TIMM44: variants seen among roughly 807,000 people sequenced by gnomAD.
The protein encoded by TIMM44 is mitochondrial import inner membrane translocase subunit TIM44.
TIMM44 carries 37 observed loss-of-function variants against 63.8 expected under a neutral mutation model. The observed-to-expected ratio is 0.58, with a 90% confidence interval of 0.45 to 0.76. TIMM44 has a LOEUF of 0.76. TIMM44 is among the 30% of genes least tolerant of loss of function. The pLI is 0.00. For synonymous variants in TIMM44, 239 were observed against 245.1 expected (o/e 0.98, Z 0.23); for missense variants, 573 against 603.8 (o/e 0.95, Z 0.54).
chr19:7,933,223 T>C lies in TIMM44; in HGVS notation c.769+262A>G, dbSNP rs1480882350. Among the ~76,000 whole-genome samples the C allele has an allele frequency of 6.6e-6, 1 of 152,232 alleles. No individual in the cohort carries two copies. Among genetic ancestry groups the C allele is most frequent in the African/African-American group, 2.4e-5 (1 of 41,462 alleles). ...TCACTACAAAGGAAACACAGGCCTCTAGCAGTCCTCACAGGACAAGGGACA... is the reference window on the plus strand; with the variant it reads ...TCACTACAAAGGAAACACAGGCCTCCAGCAGTCCTCACAGGACAAGGGACA... On this transcript the variant is annotated intron_variant, in intron 7 of 12. Coordinates refer to ENST00000270538, the MANE Select transcript of TIMM44 (RefSeq NM_006351.4). This position sits in a 1 kb window ranked among gnomAD's most constrained non-coding sequence, Gnocchi z 4.3.
intron 9 of TIMM44, 160 bp downstream of exon 9, chr19:7,932,467 G>A (rs1984013444): frequency 2.0e-6 from 2 of 994,496 alleles, no homozygotes. Flanking sequence ...AGCTCATGGG[G>A]CAGCTGCAGC....
chr19:7,931,464 G>A (rs1480637978), intron 9 of TIMM44: 2 of 479,392 alleles, frequency 4.2e-6, no homozygotes, highest in Non-Finnish European at 7.6e-6. Flanking sequence ...CCTGGAACCT[G>A]GTGGAGGAAG....
In TIMM44 at chr19:7,927,713, C is replaced by T; in HGVS notation, c.1183G>A (p.Ala395Thr). ...QGPVLIITFQ[A>T]QLVMVVRNPK... is the part of the protein sequence containing the mutation. ...TTCCTGACCACCATCACCAGCTGTG[C>T]CTGGAAGGTGATGATCAGCACCGGC... Residue 395 changes from alanine to threonine, a missense_variant, in exon 12 of 13, where the codon GCA becomes ACA. By Grantham distance (58) the Ala-to-Thr change is moderately conservative. Transcript: ENST00000270538. The T allele has an allele frequency of 6.2e-7, 1 of 1,613,348 alleles. No homozygotes were observed. The highest frequency in any genetic ancestry group is 1.1e-5 in the South Asian group (1 of 91,088).
intron 2 of TIMM44, 84 bp downstream of exon 2, chr19:7,941,018 G>T: frequency 2.7e-6 from 3 of 1,122,774 alleles, no homozygotes; most frequent in African/African-American, 1.5e-5. Flanking sequence ...CACCTCTACA[G>T]CCCCACCCCT....
chr19:7,927,473 A>G (rs891250056), intron 12 of TIMM44, 167 bp from the exon 13 acceptor site: 9 of 1,050,742 alleles, frequency 8.6e-6, no homozygotes, highest in Non-Finnish European at 1.3e-5. Context: ...GCCTTGGTAA[A>G]AACAGACAGG....
Position 7,933,098 on chromosome 19 carries a change from C to T in TIMM44, c.770-166G>A, listed in dbSNP as rs985171279. 2.6e-5 allele frequency among the ~76,000 whole-genome samples: 4 copies of T among 152,150 alleles called. No individual in the cohort carries two copies. The highest frequency in any genetic ancestry group is 5.9e-5 in the Non-Finnish European group (4 of 68,010). ...TGCATCCTCATCTGTGCTTGGGGAC[C>T]GCTGCCTGCCCACCTACCTGGCCAG... On this transcript the variant is annotated intron_variant, in intron 7 of 12. Transcript: ENST00000270538. The surrounding 1 kb of genome is among the most constrained non-coding windows in gnomAD (Gnocchi z 4.3).
rs139369527 is a variant in TIMM44 at position 7,932,581 on chromosome 19, G to A, written c.987+46C>T. 1.1e-3 allele frequency: 1,789 copies of A among 1,605,132 alleles called. 33 individuals are homozygous for A. The African/African-American group carries it at 0.021, about 19-fold the overall frequency. On this transcript the variant is annotated intron_variant, in intron 9 of 12. Transcript: ENST00000270538. ...CGGCTGCGGCGGGGGAGGTGGTGGA[G>A]CCAGGACCTGCCGCCTGGGAGGGGT... is the stretch of plus-strand genomic sequence containing the variant.
At chr19:7,935,365 A>T in intron 3 of TIMM44, 1 of 526,024 alleles carries the variant, frequency 1.9e-6, no homozygotes, top group East Asian at 3.4e-5. Context: ...GGGTTTTACC[A>T]CGTTGGCCAG....
chr19:7,942,318 G>A (rs951699183), intron 1 of TIMM44, among the ~76,000 whole-genome samples: 8 of 152,122 alleles, frequency 5.3e-5, no homozygotes, highest in African/African-American at 1.7e-4. Context: ...GCACTGAGCT[G>A]GTGGCTCATG....
In TIMM44 at chr19:7,933,576, G is replaced by C. The variant is rs774289428; in HGVS notation, c.684-6C>G. 6.2e-7 allele frequency: 1 copy of C among 1,613,374 alleles called. No individual in the cohort carries two copies. Among genetic ancestry groups the C allele is most frequent in the Non-Finnish European group, 8.5e-7 (1 of 1,179,542 alleles). ...GCACGACCCCCAGGGCCTCCCTGGG[G>C]AAGAGGGTGGGCCCTGGGGTGAGCG... On this transcript the variant is annotated splice_polypyrimidine_tract_variant and splice_region_variant and intron_variant, in intron 6 of 12. Coordinates refer to ENST00000270538, the MANE Select transcript of TIMM44 (RefSeq NM_006351.4). This position sits in a 1 kb window ranked among gnomAD's most constrained non-coding sequence, Gnocchi z 4.3.
At position 7,933,670 on chromosome 19, in the gene TIMM44, T is replaced by C. The variant is rs574653335; in HGVS notation, c.684-100A>G. Reference sequence around the variant, plus strand: ...GGGGCAGTACAGGACAGCAGGCAGCTGAGACCTCAAACCTAGGGGCTCTGA... The same window carrying C: ...GGGGCAGTACAGGACAGCAGGCAGCCGAGACCTCAAACCTAGGGGCTCTGA... On this transcript the variant is annotated intron_variant, in intron 6 of 12. Coordinates refer to ENST00000270538, the MANE Select transcript of TIMM44 (RefSeq NM_006351.4). This position sits in a 1 kb window ranked among gnomAD's most constrained non-coding sequence, Gnocchi z 4.3. The C allele has an allele frequency of 3.2e-4, 416 of 1,316,660 alleles. 1 individual carries two copies. The African/African-American group carries it at 5.7e-3, about 18-fold the overall frequency. The allele number at this position is 1,316,660 out of a possible 1,614,324, so 81.6% of individuals were successfully genotyped here.
intron 3 of TIMM44, 139 bp downstream of exon 3, chr19:7,937,888 C>A (rs756644911): frequency 3.0e-6 from 3 of 1,000,542 alleles, no homozygotes; most frequent in Non-Finnish European, 4.7e-6. Flanking sequence ...CGTGGTGGTG[C>A]GCGCCTGTAA....
At chr19:7,928,053 G>C (rs201680343) in intron 11 of TIMM44, 24 bp downstream of exon 11, 12 of 1,605,938 alleles carry the variant, frequency 7.5e-6, no homozygotes, top group Non-Finnish European at 1.0e-5. Flanking sequence ...ATGGTGGCCC[G>C]GGCCCCCACT....
At chr19:7,935,295 A>G in intron 3 of TIMM44, 150 bp from the exon 4 acceptor site, 1 of 707,186 alleles carries the variant, frequency 1.4e-6, no homozygotes, top group Non-Finnish European at 2.4e-6. Context: ...CCTCCCGAGT[A>G]GCTGGGACTA....
At chr19:7,941,813 G>A (rs1984320093) in intron 1 of TIMM44, among the ~76,000 whole-genome samples, 2 of 152,174 alleles carry the variant, frequency 1.3e-5, no homozygotes, top group African/African-American at 4.8e-5. Flanking sequence ...TAATCCCTTA[G>A]TCTGAAAGTA....
rs767257144 is a variant in TIMM44, at chr19:7,941,097, C to T, written c.141+5G>A. 6.2e-6 allele frequency: 10 copies of T among 1,613,040 alleles called. No individual in the cohort carries two copies. Among genetic ancestry groups the T allele is most frequent in the Non-Finnish European group, 8.5e-6 (10 of 1,179,296 alleles). On this transcript the variant is annotated splice_donor_5th_base_variant and intron_variant, in intron 2 of 12. Coordinates refer to ENST00000270538, the MANE Select transcript of TIMM44 (RefSeq NM_006351.4). The stretch of plus-strand genomic sequence containing the variant: ...CTGCTGGCCCGAGCATCCTGAGTCA[C>T]TCACCAGTGGCAGCTCTCCGCCCGG...
chr19:7,931,003 C>G (rs902963406), intron 10 of TIMM44, 135 bp downstream of exon 10: 2 of 741,544 alleles, frequency 2.7e-6, no homozygotes, highest in Non-Finnish European at 4.6e-6. Context: ...GAGGGTGAGA[C>G]GTGAGGATTC....
chr19:7,935,551 G>T (rs1599649922), intron 3 of TIMM44, among the ~76,000 whole-genome samples: 1 of 152,306 alleles, frequency 6.6e-6, no homozygotes, highest in South Asian at 2.1e-4. Flanking sequence ...CTTCTCCGCA[G>T]CCCCTCCCTC....
intron 1 of TIMM44, among the ~76,000 whole-genome samples, chr19:7,942,718 T>A (rs1193731898): frequency 2.0e-5 from 3 of 150,544 alleles, no homozygotes; most frequent in Non-Finnish European, 1.5e-5. Flanking sequence ...TGGAGTAAAG[T>A]GGCAGGATCT....
Sources: allele counts gnomAD v4.1 joint callset (sites outside exome capture counted in the v4.1 genomes callset), GRCh38; gene constraint gnomAD v4.1.1; non-coding constraint Gnocchi (gnomAD v3.1); transcripts MANE v1.5; gene names NCBI Gene and HGNC (gene_info 2026-07-23, HGNC 2026-07-21).